TCAIM: variants seen among roughly 807,000 people sequenced by gnomAD.
TCAIM encodes T-cell activation inhibitor, mitochondrial.
A neutral mutation model predicts 58.6 loss-of-function variants in TCAIM; 36 were observed. The ratio of observed to expected loss-of-function variants is 0.61; its 90% CI spans 0.47 to 0.81. TCAIM has a LOEUF of 0.81. Among genes scored for constraint, TCAIM ranks in the 30% least tolerant of loss-of-function variants. The probability of loss-of-function intolerance (pLI) is 0.00; values close to 1 mark genes in which losing one functional copy is unlikely to be tolerated. For synonymous variants in TCAIM, 172 were observed against 193.6 expected, an observed-to-expected ratio of 0.89 and a Z score of 0.93; for missense variants, 466 against 579.6, an observed-to-expected ratio of 0.80 and a Z score of 2.01.
intron 5 of TCAIM, among the ~76,000 whole-genome samples, chr3:44,370,772 G>T (rs1163188618): frequency 7.0e-6 from 1 of 143,820 alleles, no homozygotes; most frequent in Admixed American, 7.2e-5. Context: ...TTGAGACAGG[G>T]TCTTACTCTG....
intron 1 of TCAIM, among the ~76,000 whole-genome samples, chr3:44,350,242 A>G (rs982801054): frequency 6.6e-6 from 1 of 152,108 alleles, no homozygotes; most frequent in African/African-American, 2.4e-5. Flanking sequence ...CAAGGTGCTC[A>G]GTGGGGGAGC....
At chr3:44,370,668 GT>G (rs1006080917) in intron 5 of TCAIM, among the ~76,000 whole-genome samples, 53 of 131,030 alleles carry the variant, frequency 4.0e-4, no homozygotes, top group Non-Finnish European at 5.0e-4. Context: ...TAGGTTTTTT[GT>G]TTTTTTTTTT....
At chr3:44,344,699 G>T (rs1025193481) in intron 1 of TCAIM, among the ~76,000 whole-genome samples, 23 of 152,254 alleles carry the variant, frequency 1.5e-4, no homozygotes, top group African/African-American at 5.3e-4. Context: ...AACAGGCTTG[G>T]AGAGAGCAAT....
chr3:44,357,830 A>G lies in TCAIM; in HGVS notation c.119A>G (p.Tyr40Cys), dbSNP rs1489112997. 3.1e-6 allele frequency: 5 copies of G among 1,614,094 alleles called. No homozygotes were observed. The highest frequency in any genetic ancestry group is 2.5e-6 in the Non-Finnish European group (3 of 1,180,008). The change falls in exon 3 of 11, where the codon TAT becomes TGT. Residue 40 changes from tyrosine (Y) to cysteine (C), a missense_variant. By Grantham distance (194) the Tyr-to-Cys change is radical. Coordinates refer to ENST00000342649, the MANE Select transcript of TCAIM (RefSeq NM_173826.4). Reference protein sequence around the residue: ...AEAVNALRPFYFAVHPDFFGQ... With the variant: ...AEAVNALRPFCFAVHPDFFGQ... ...GCAGTCAATGCCTTGAGGCCTTTCTATTTTGCAGTACATCCAGATTTCTTT... is the reference window on the plus strand; with the variant it reads ...GCAGTCAATGCCTTGAGGCCTTTCTGTTTTGCAGTACATCCAGATTTCTTT...
rs1702119635 is a variant in TCAIM, at chr3:44,407,557, C to A, written c.1366C>A (p.Leu456Ile). ...ACAAATGGTGGATTGTTGTAAGAGA[C>A]TTCTAGAACAATCACTGCCTTACCT... is the stretch of plus-strand genomic sequence containing the variant. Reference protein sequence around the residue: ...SIQMVDCCKRLLEQSLPYLHG... With the variant: ...SIQMVDCCKRILEQSLPYLHG... Residue 456 changes from leucine (L) to isoleucine (I), a missense_variant, in exon 11 of 11, where the codon CTT (leucine) becomes ATT (isoleucine). Coordinates refer to ENST00000342649, the MANE Select transcript of TCAIM (RefSeq NM_173826.4). 4 of 1,613,858 alleles carry A rather than the reference C, an allele frequency of 2.5e-6. No homozygotes were observed. Among genetic ancestry groups the A allele is most frequent in the African/African-American group, 1.3e-5 (1 of 74,914 alleles).
Position 44,357,752 on chromosome 3 carries a change from A to G in TCAIM, c.41A>G (p.Glu14Gly). 2 of 1,614,130 alleles carry G rather than the reference A, an allele frequency of 1.2e-6. No individual in the cohort carries two copies. Among genetic ancestry groups the G allele is most frequent in the Non-Finnish European group, 1.7e-6 (2 of 1,179,996 alleles). Residue 14 changes from glutamate to glycine, a missense_variant, in exon 3 of 11, where the codon GAG (glutamate) becomes GGG (glycine). Coordinates refer to ENST00000342649, the MANE Select transcript of TCAIM (RefSeq NM_173826.4). ...CATCTTTTTAAAAGGTTATGTCTAGAGAAGATATTTCCACACTGGTTTCCC... is the reference window on the plus strand; with the variant it reads ...CATCTTTTTAAAAGGTTATGTCTAGGGAAGATATTTCCACACTGGTTTCCC... The part of the protein sequence containing the change: ...HLRPMRRLCL[E>G]KIFPHWFPFS...
chr3:44,372,437 T>C (rs1701493201), intron 5 of TCAIM, among the ~76,000 whole-genome samples: 1 of 152,188 alleles, frequency 6.6e-6, no homozygotes, highest in South Asian at 2.1e-4. Context: ...GTTTAATTCA[T>C]CTTCATTACA....
At chr3:44,374,088 A>G (rs1430287747) in intron 5 of TCAIM, among the ~76,000 whole-genome samples, 2 of 152,168 alleles carry the variant, frequency 1.3e-5, no homozygotes, top group Non-Finnish European at 2.9e-5. Context: ...TTTTGTGTTC[A>G]TGAAATACCA....
intron 6 of TCAIM, among the ~76,000 whole-genome samples, chr3:44,395,903 CTT>C (rs1298823243): frequency 6.6e-6 from 1 of 152,222 alleles, no homozygotes; most frequent in East Asian, 1.9e-4. Flanking sequence ...AGGAGGATCT[CTT>C]GAGCAGAGGA....
Position 44,407,679 on chromosome 3 carries a change from G to C in TCAIM, c.1488G>C (p.Lys496Asn), listed in dbSNP as rs1702122490. Residue 496 changes from lysine to asparagine, a missense_variant, in exon 11 of 11, where the codon AAG becomes AAC. Coordinates refer to ENST00000342649, the MANE Select transcript of TCAIM (RefSeq NM_173826.4). ...PWNWKNGEAIK is the reference protein window; with the variant it reads ...PWNWKNGEAIN ...ATTGGAAGAATGGAGAAGCCATTAA[G>C]TAACACAGAAATCTGTTTTATTTTT... 2 of 1,581,666 alleles carry C rather than the reference G, an allele frequency of 1.3e-6. No individual in the cohort carries two copies. The highest frequency in any genetic ancestry group is 2.7e-5 in the African/African-American group (2 of 73,078).
At chr3:44,375,077 A>G (rs139416013) in intron 5 of TCAIM, among the ~76,000 whole-genome samples, 1,723 of 152,238 alleles carry the variant, frequency 0.011, 27 homozygotes, top group Non-Finnish European at 0.014. Flanking sequence ...TCATTTTTAT[A>G]TACCTTTTAA....
At chr3:44,353,397 G>C (rs1333645028) in intron 1 of TCAIM, among the ~76,000 whole-genome samples, 1 of 152,228 alleles carries the variant, frequency 6.6e-6, no homozygotes, top group Non-Finnish European at 1.5e-5. Context: ...CTGTGCGCTA[G>C]TTGTTGTGTG....
intron 3 of TCAIM, among the ~76,000 whole-genome samples, chr3:44,360,080 T>C (rs1459690005): frequency 6.6e-6 from 1 of 152,130 alleles, no homozygotes; most frequent in Non-Finnish European, 1.5e-5. Flanking sequence ...ATTACTTGTG[T>C]TTGTTTTGTT....
chr3:44,344,541 G>A (rs1006715140), intron 1 of TCAIM, among the ~76,000 whole-genome samples: 1 of 152,026 alleles, frequency 6.6e-6, no homozygotes, highest in African/African-American at 2.4e-5. Flanking sequence ...TCACATGGTA[G>A]GGGGCAAGAT....
At chr3:44,358,279 C>A in intron 3 of TCAIM, 2 of 1,103,756 alleles carry the variant, frequency 1.8e-6, no homozygotes, top group Non-Finnish European at 2.7e-6. Flanking sequence ...TGCTGCTGGA[C>A]CACTCCCCTA....
chr3:44,362,430 G>A, intron 4 of TCAIM: 1 of 400,920 alleles, frequency 2.5e-6, no homozygotes, highest in Non-Finnish European at 4.4e-6. Context: ...GACTTCAAAT[G>A]GAAGGAGGAA....
chr3:44,373,018 A>G (rs1430870475), intron 5 of TCAIM, among the ~76,000 whole-genome samples: 5 of 152,168 alleles, frequency 3.3e-5, no homozygotes, highest in Non-Finnish European at 7.4e-5. Flanking sequence ...TTTCAAAATA[A>G]TTTTATCTGT....
intron 3 of TCAIM, among the ~76,000 whole-genome samples, chr3:44,360,648 G>A (rs575255534): frequency 6.0e-4 from 90 of 150,844 alleles, no homozygotes; most frequent in African/African-American, 1.8e-3. Flanking sequence ...TGTCACCCAG[G>A]CGGGGAGTGT....
intron 3 of TCAIM, chr3:44,358,841 C>T (rs1276751897): frequency 2.0e-6 from 2 of 985,042 alleles, no homozygotes; most frequent in African/African-American, 1.7e-5. Flanking sequence ...ATTAGAACAT[C>T]GTTATTTTTT....
Sources: gnomAD v4.1 joint callset for allele counts (sites outside exome capture counted in the v4.1 genomes callset) on GRCh38, gnomAD v4.1.1 for gene constraint, MANE v1.5 for transcripts, NCBI Gene and HGNC (gene_info 2026-07-23, HGNC 2026-07-21) for gene names.